Variants in SGCE observed in about 807,000 individuals in gnomAD.
SGCE encodes the protein epsilon-sarcoglycan.
SGCE carries 26 observed loss-of-function variants against 57.8 expected under a neutral mutation model. That is an observed-to-expected ratio of 0.45 (90% CI 0.33 to 0.62). The LOEUF (loss-of-function observed/expected upper bound fraction) is 0.62. SGCE is among the 20% of genes least tolerant of loss of function. SGCE has a pLI of 0.02. For missense variants in SGCE, 468 were observed against 548.6 expected (o/e 0.85, Z 1.47); for synonymous variants, 183 against 189.5 (o/e 0.97, Z 0.28).
rs186467943 is a variant in SGCE, at chr7:94,602,426, A to G, written c.825+864T>C. On this transcript the variant is annotated intron_variant, in intron 6 of 10. Transcript: ENST00000648936. ...CAGGATGCAGCTGGCTCTCTAAGAC[A>G]TGAAGTGATAATTGTGTTTATGTGT... Among the ~76,000 whole-genome samples, 49 of 152,272 alleles carry G rather than the reference A, an allele frequency of 3.2e-4. No individual in the cohort carries two copies. In the East Asian group the frequency reaches 9.5e-3, roughly 29 times the overall value.
At chr7:94,594,950 T>G (rs1346860711) in intron 9 of SGCE, among the ~76,000 whole-genome samples, 2 of 152,120 alleles carry the variant, frequency 1.3e-5, no homozygotes, top group Non-Finnish European at 2.9e-5. Context: ...CTGCTCCAGC[T>G]TCCCTGTCCA....
chr7:94,625,161 C>A (rs1047950143), intron 3 of SGCE: 6 of 151,746 alleles, frequency 4.0e-5, no homozygotes, highest in African/African-American at 1.5e-4. Flanking sequence ...ATTTTAGATA[C>A]TTAAAATCTA....
At chr7:94,636,751 T>C (rs913082004) in intron 1 of SGCE, among the ~76,000 whole-genome samples, 1 of 152,192 alleles carries the variant, frequency 6.6e-6, no homozygotes, top group African/African-American at 2.4e-5. Flanking sequence ...AGTACCATCC[T>C]ACCGCTTTAG....
intron 1 of SGCE, among the ~76,000 whole-genome samples, chr7:94,648,891 T>C (rs1252539624): frequency 6.6e-6 from 1 of 152,236 alleles, no homozygotes; most frequent in Admixed American, 6.5e-5. Flanking sequence ...AGAAAATTAC[T>C]GTGATCCCTT....
chr7:94,635,539 T>G lies in SGCE; in HGVS notation c.110-5698A>C, dbSNP rs139474681. ...AACTCTTTATGAGATTCAGAGTCCC[T>G]GTATACATAGGAATTGAACAAGAGG... On this transcript the variant is annotated intron_variant, in intron 1 of 10. Coordinates refer to ENST00000648936, the MANE Select transcript of SGCE (RefSeq NM_003919.3). 3.7e-3 allele frequency among the ~76,000 whole-genome samples: 563 copies of G among 152,348 alleles called. 8 individuals carry two copies. The highest frequency in any genetic ancestry group is 0.013 in the African/African-American group (535 of 41,586).
At chr7:94,650,187 T>C (rs540493927) in intron 1 of SGCE, among the ~76,000 whole-genome samples, 1 of 152,354 alleles carries the variant, frequency 6.6e-6, no homozygotes, top group Admixed American at 6.5e-5. Flanking sequence ...TATTTTATTT[T>C]GCTATGTAAA....
intron 1 of SGCE, among the ~76,000 whole-genome samples, chr7:94,647,339 C>G (rs1807246244): frequency 6.6e-6 from 1 of 152,130 alleles, no homozygotes; most frequent in Non-Finnish European, 1.5e-5. Context: ...CAATGCAACA[C>G]TCACTTCTGT....
intron 1 of SGCE, among the ~76,000 whole-genome samples, chr7:94,655,323 G>A (rs372761558): frequency 7.2e-5 from 11 of 152,030 alleles, no homozygotes; most frequent in Non-Finnish European, 1.5e-4. Flanking sequence ...CACTCGGTAC[G>A]GCAGCATCTC....
At chr7:94,607,172 C>A (rs1242260315) in intron 5 of SGCE, among the ~76,000 whole-genome samples, 8 of 152,050 alleles carry the variant, frequency 5.3e-5, no homozygotes, top group South Asian at 2.1e-4. Flanking sequence ...TCTTCTAAAG[C>A]AGAAAGCATC....
At chr7:94,623,469 AT>A in intron 3 of SGCE, 72 bp from the exon 4 acceptor site, 3 of 939,200 alleles carry the variant, frequency 3.2e-6, no homozygotes, top group Non-Finnish European at 5.1e-6. Context: ...AAGGATTAAA[AT>A]GAAAACAAAT....
At position 94,639,527 on chromosome 7, in the gene SGCE, C is replaced by T. The variant is rs184600249; in HGVS notation, c.110-9686G>A. ...TAAAATGACTGTCACAGATCACCTA[C>T]AATTAACTGGGATCAGATTCCTTCC... On this transcript the variant is annotated intron_variant, in intron 1 of 10. Transcript: ENST00000648936. 76 of 817,092 alleles carry T rather than the reference C, an allele frequency of 9.3e-5. No homozygotes were observed. In the African/African-American group the frequency reaches 1.2e-3, roughly 13 times the overall value. 50.6% of individuals were successfully genotyped at this position (817,092 alleles called of 1,614,324 possible). A position where few individuals can be genotyped will look rare whatever the true frequency, so the allele number is the denominator to read the frequency against.
intron 9 of SGCE, among the ~76,000 whole-genome samples, chr7:94,595,480 G>T (rs576437942): frequency 6.6e-6 from 1 of 152,232 alleles, no homozygotes; most frequent in African/African-American, 2.4e-5. Flanking sequence ...AGTACACTTA[G>T]TATGAATGTG....
chr7:94,648,259 C>T (rs1807380661), intron 1 of SGCE, among the ~76,000 whole-genome samples: 1 of 151,268 alleles, frequency 6.6e-6, no homozygotes. Flanking sequence ...CCTGTAATCC[C>T]AGCTATTTGG....
chr7:94,603,845 C>G (rs998589992), intron 5 of SGCE, among the ~76,000 whole-genome samples: 15 of 152,168 alleles, frequency 9.9e-5, no homozygotes, highest in Middle Eastern at 3.4e-3. Context: ...CCCACTACTA[C>G]AATAATAAAT....
At chr7:94,587,564 T>G (rs775004588) in intron 10 of SGCE, 202 of 1,329,676 alleles carry the variant, frequency 1.5e-4, no homozygotes, top group Non-Finnish European at 1.9e-4. Context: ...TTCATTTATC[T>G]TTTTTCTCTC....
chr7:94,634,631 C>T (rs1002136478), intron 1 of SGCE, among the ~76,000 whole-genome samples: 7 of 152,126 alleles, frequency 4.6e-5, no homozygotes, highest in Admixed American at 6.6e-5. Context: ...AAAACAAATG[C>T]GTGCTGTTTA....
In SGCE at chr7:94,628,809, G is replaced by A. The variant is rs113179611; in HGVS notation, c.233-450C>T. On this transcript the variant is annotated intron_variant, in intron 2 of 10. Coordinates refer to ENST00000648936, the MANE Select transcript of SGCE (RefSeq NM_003919.3). ...AAAAATAATGTAATTTTAAAACACT[G>A]GAGGATAGGATGAAAAAGACGTTAC... The A allele has an allele frequency of 7.8e-3, 1,317 of 168,856 alleles. 26 individuals are homozygous for A. The highest frequency in any genetic ancestry group is 0.03 in the African/African-American group (1,247 of 41,622). 10.5% of individuals were successfully genotyped at this position (168,856 alleles called of 1,614,324 possible). A position where few individuals can be genotyped will look rare whatever the true frequency, so the allele number is the denominator to read the frequency against.
chr7:94,633,369 AT>A (rs1448897735), intron 1 of SGCE, among the ~76,000 whole-genome samples: 2 of 152,118 alleles, frequency 1.3e-5, no homozygotes, highest in African/African-American at 2.4e-5. Context: ...AAGGAACAGA[AT>A]TTTTTAAGTA....
In SGCE at chr7:94,652,060, C is replaced by G. The variant is rs1807967139; in HGVS notation, c.109+3930G>C. ...AAGCCTGAATGGAGTGTGCGTTAGTCTATGTATGCTCCTCACATCTGTCTG... is the reference window on the plus strand; with the variant it reads ...AAGCCTGAATGGAGTGTGCGTTAGTGTATGTATGCTCCTCACATCTGTCTG... On this transcript the variant is annotated intron_variant, in intron 1 of 10. Transcript: ENST00000648936. Among the ~76,000 whole-genome samples the G allele has an allele frequency of 1.3e-5, 2 of 151,892 alleles. 1 individual carries two copies. Among genetic ancestry groups the G allele is most frequent in the South Asian group, 4.2e-4 (2 of 4,812 alleles).
Sources: allele counts gnomAD v4.1 joint callset (sites outside exome capture counted in the v4.1 genomes callset), GRCh38; gene constraint gnomAD v4.1.1; transcripts MANE v1.5; gene names NCBI Gene and HGNC (gene_info 2026-07-23, HGNC 2026-07-21).